Variants in CLN6 observed in about 807,000 individuals in gnomAD.
CLN6 encodes CLN6 transmembrane ER protein.
Under a neutral mutation model 33.3 loss-of-function variants are expected in CLN6, and 22 were observed. The ratio of observed to expected loss-of-function variants is 0.66; its 90% CI spans 0.47 to 0.94. The LOEUF (loss-of-function observed/expected upper bound fraction) is 0.94, where lower values mean the gene tolerates loss of function less well. Ranked by LOEUF, CLN6 falls within the 40% of genes least tolerant of loss-of-function variation. CLN6 has a pLI of 0.00. For missense variants in CLN6, 387 were observed against 417.1 expected (o/e 0.93, Z 0.63); for synonymous variants, 201 against 174.6 (o/e 1.15, Z -1.19).
Position 68,211,754 on chromosome 15 carries a change from CGGTGGTTGACAGAGT to C in CLN6, c.392_406del (p.Asp131_Arg136delinsGly). On this transcript the variant is annotated inframe_deletion, in exon 4 of 7. Transcript: ENST00000249806. The surrounding 1 kb of genome is among the most constrained non-coding windows in gnomAD (Gnocchi z 5.9). ...GTGCTGGTAGCCACTGAAGAGCAGG[CGGTGGTTGACAGAGT>C]CACCCACCAGGTGGATGCTGGCACC... 6.2e-7 allele frequency: 1 copy of C among 1,613,878 alleles called. No individual in the cohort carries two copies. Among genetic ancestry groups the C allele is most frequent in the Non-Finnish European group, 8.5e-7 (1 of 1,180,008 alleles).
chr15:68,254,208 A>G (rs1233497195), intron 1 of CLN6, among the ~76,000 whole-genome samples: 1 of 152,208 alleles, frequency 6.6e-6, no homozygotes, highest in Non-Finnish European at 1.5e-5. Context: ...AAAATCAAGA[A>G]AATGGTCGAC....
Position 68,236,108 on chromosome 15 carries a change from A to T in CLN6, c.180-17458T>A, listed in dbSNP as rs562064814. Among the ~76,000 whole-genome samples the T allele has an allele frequency of 4.6e-5, 7 of 152,336 alleles. No homozygotes were observed. In the East Asian group the frequency reaches 1.2e-3, roughly 25 times the overall value. On this transcript the variant is annotated intron_variant, in intron 1 of 6. Coordinates refer to the CLN6 transcript ENST00000538696. The surrounding 1 kb of genome is among the most constrained non-coding windows in gnomAD (Gnocchi z 4.5). ...AGGGATGAAAAAGACAAACAATAAC[A>T]CATGTTGGTGAAGATGTGGACAAAT... is the stretch of plus-strand genomic sequence containing the variant.
At chr15:68,230,029 C>T (rs1027278181), upstream of CLN6, among the ~76,000 whole-genome samples, 24 of 152,286 alleles carry the variant, frequency 1.6e-4, no homozygotes, top group South Asian at 8.3e-4. The surrounding 1 kb of genome is among the most constrained non-coding windows in gnomAD (Gnocchi z 4.0). Context: ...AAATGCTCCC[C>T]GGGGCAGAGG....
rs532642488 is a variant in CLN6, at chr15:68,227,098, C to T, written c.83+2404G>A. On this transcript the variant is annotated intron_variant, in intron 1 of 6. Transcript: ENST00000249806. The surrounding 1 kb of genome is among the most constrained non-coding windows in gnomAD (Gnocchi z 4.1). Reference sequence around the variant, plus strand: ...TGTCATCCAGGCTGGAGTGCAGTGGCGCCATCTCGGCTCACTACAACCTCC... The same window carrying T: ...TGTCATCCAGGCTGGAGTGCAGTGGTGCCATCTCGGCTCACTACAACCTCC... Among the ~76,000 whole-genome samples the T allele has an allele frequency of 1.3e-5, 2 of 150,680 alleles. No individual in the cohort carries two copies. Among genetic ancestry groups the T allele is most frequent in the African/African-American group, 2.4e-5 (1 of 40,984 alleles).
At chr15:68,238,158 C>G (rs1410412275) in intron 1 of CLN6, among the ~76,000 whole-genome samples, 1 of 151,780 alleles carries the variant, frequency 6.6e-6, no homozygotes, top group African/African-American at 2.4e-5. Flanking sequence ...GTAATCCCAG[C>G]ACTTTGGGAG....
In CLN6 at chr15:68,236,592, T is replaced by A. The variant is rs1189508383; in HGVS notation, c.180-17942A>T. On this transcript the variant is annotated intron_variant, in intron 1 of 6. Transcript: ENST00000538696. This position sits in a 1 kb window ranked among gnomAD's most constrained non-coding sequence, Gnocchi z 4.5. The stretch of plus-strand genomic sequence containing the variant: ...TAGACATAATGGGGATAGAAGGAAG[T>A]TGATAGTGATGGCTAATGGATACAG... Among the ~76,000 whole-genome samples the A allele has an allele frequency of 6.6e-6, 1 of 152,180 alleles. No individual in the cohort carries two copies. The highest frequency in any genetic ancestry group is 2.4e-5 in the African/African-American group (1 of 41,452).
chr15:68,212,021 A>G, intron 3 of CLN6, 158 bp from the exon 4 acceptor site: 1 of 708,828 alleles, frequency 1.4e-6, no homozygotes, highest in Non-Finnish European at 2.4e-6. Flanking sequence ...CCCAGCCTCC[A>G]GATCCTCCCG....
chr15:68,249,788 G>T (rs1333020675), intron 1 of CLN6, among the ~76,000 whole-genome samples: 2 of 152,116 alleles, frequency 1.3e-5, no homozygotes, highest in Non-Finnish European at 2.9e-5. Context: ...ATTTTTTTGT[G>T]TATGTGACGG....
chr15:68,217,530 C>G, intron 2 of CLN6, among the ~76,000 whole-genome samples: 1 of 152,164 alleles, frequency 6.6e-6, no homozygotes, highest in East Asian at 1.9e-4. Flanking sequence ...ATGCCCGGCC[C>G]CAAAAGGGCT....
intron 2 of CLN6, among the ~76,000 whole-genome samples, chr15:68,216,547 G>A (rs563203680): frequency 1.8e-4 from 28 of 152,268 alleles, no homozygotes; most frequent in Admixed American, 7.2e-4. Flanking sequence ...AGACAAGCTC[G>A]TTATTGACTT....
At chr15:68,251,077 C>T (rs941982385) in intron 1 of CLN6, among the ~76,000 whole-genome samples, 7 of 152,000 alleles carry the variant, frequency 4.6e-5, no homozygotes, top group Non-Finnish European at 7.4e-5. Context: ...GTAATAAAGA[C>T]AATTTATGAT....
chr15:68,238,360 C>T (rs561682516), intron 1 of CLN6, among the ~76,000 whole-genome samples: 12 of 151,072 alleles, frequency 7.9e-5, no homozygotes, highest in South Asian at 6.3e-4. Context: ...GTCCAGATCG[C>T]GCCACTGCAC....
intron 1 of CLN6, among the ~76,000 whole-genome samples, chr15:68,251,907 G>A (rs1456397174): frequency 6.7e-6 from 1 of 150,248 alleles, no homozygotes; most frequent in African/African-American, 2.4e-5. Context: ...TTTGTGACAT[G>A]TAGAACTGAC....
At chr15:68,235,642 C>T (rs1474474692) in intron 1 of CLN6, among the ~76,000 whole-genome samples, 4 of 141,442 alleles carry the variant, frequency 2.8e-5, no homozygotes, top group South Asian at 2.2e-4. Flanking sequence ...ATCGATTAAT[C>T]GATGGAATAC....
Position 68,208,098 on chromosome 15 carries a change from A to ACCCC in CLN6, c.*41_*42insGGGG. The ACCCC allele has an allele frequency of 2.0e-5, 9 of 448,446 alleles. No individual in the cohort carries two copies. The highest frequency in any genetic ancestry group is 5.2e-5 in the South Asian group (2 of 38,824). The allele number at this position is 448,446 out of a possible 1,614,324, so 27.8% of individuals were successfully genotyped here. ...TGTATTCAGATGCCCTCCATGGCCC[A>ACCCC]CCCTCCCACCCAGCAGAGCGCCAGA... On this transcript the variant is annotated 3_prime_UTR_variant, in exon 7 of 7. Coordinates refer to ENST00000249806, the MANE Select transcript of CLN6 (RefSeq NM_017882.3). This position sits in a 1 kb window ranked among gnomAD's most constrained non-coding sequence, Gnocchi z 5.8.
rs911603227 is a variant in CLN6, at chr15:68,234,992, G to A, written c.180-16342C>T. On this transcript the variant is annotated intron_variant, in intron 1 of 6. Coordinates refer to the CLN6 transcript ENST00000538696. The surrounding 1 kb of genome is among the most constrained non-coding windows in gnomAD (Gnocchi z 4.1). ...AGATTGTGCCACTGCACACCAGCCTGGGTGACAGAGTGAGATTCTGTCTAA... is the reference window on the plus strand; with the variant it reads ...AGATTGTGCCACTGCACACCAGCCTAGGTGACAGAGTGAGATTCTGTCTAA... Among the ~76,000 whole-genome samples, 10 of 152,170 alleles carry A rather than the reference G, an allele frequency of 6.6e-5. No individual in the cohort carries two copies. Among genetic ancestry groups the A allele is most frequent in the African/African-American group, 2.2e-4 (9 of 41,432 alleles).
At chr15:68,240,701 G>A (rs1158163511) in intron 1 of CLN6, among the ~76,000 whole-genome samples, 1 of 150,956 alleles carries the variant, frequency 6.6e-6, no homozygotes, top group Non-Finnish European at 1.5e-5. Context: ...AAAGGGGACA[G>A]GGCCGGGTGC....
chr15:68,242,978 C>T lies in CLN6; in HGVS notation c.179+13712G>A, dbSNP rs551225967. The stretch of plus-strand genomic sequence containing the variant: ...TTCACTAAAAATAAAAGTTGCTAAG[C>T]GTTAACATTGTAATATGTAGTTGAG... On this transcript the variant is annotated intron_variant, in intron 1 of 6. Coordinates refer to the CLN6 transcript ENST00000538696. This position sits in a 1 kb window ranked among gnomAD's most constrained non-coding sequence, Gnocchi z 5.0. 1.3e-5 allele frequency among the ~76,000 whole-genome samples: 2 copies of T among 152,214 alleles called. No homozygotes were observed. Among genetic ancestry groups the T allele is most frequent in the South Asian group, 2.1e-4 (1 of 4,828 alleles).
upstream of CLN6, among the ~76,000 whole-genome samples, chr15:68,232,952 G>T (rs1298357884): frequency 6.6e-6 from 1 of 152,154 alleles, no homozygotes; most frequent in South Asian, 2.1e-4. The surrounding 1 kb of genome is among the most constrained non-coding windows in gnomAD (Gnocchi z 4.7). Flanking sequence ...TGAGGCAGGA[G>T]AAATTGCATG....
Sources: allele counts gnomAD v4.1 joint callset (sites outside exome capture counted in the v4.1 genomes callset), GRCh38; gene constraint gnomAD v4.1.1; non-coding constraint Gnocchi (gnomAD v3.1); transcripts MANE v1.5; gene names NCBI Gene and HGNC (gene_info 2026-07-23, HGNC 2026-07-21).